CLEC2A: variants seen among roughly 807,000 people sequenced by gnomAD.
The protein encoded by CLEC2A is C-type lectin domain family 2 member A.
In CLEC2A, 19 loss-of-function variants were observed where a neutral mutation model predicts 18.6. The ratio of observed to expected loss-of-function variants is 1.02; its 90% CI spans 0.71 to 1.50. The LOEUF is 1.50. Among genes scored for constraint, CLEC2A ranks in the 40% most tolerant of loss-of-function variants. The probability of loss-of-function intolerance (pLI) is 0.00; values close to 1 mark genes in which losing one functional copy is unlikely to be tolerated. For synonymous variants in CLEC2A, 74 were observed against 64.0 expected, an observed-to-expected ratio of 1.16 and a Z score of -0.75; for missense variants, 190 against 207.9, an observed-to-expected ratio of 0.91 and a Z score of 0.53.
intron 4 of CLEC2A, among the ~76,000 whole-genome samples, chr12:9,902,660 A>C (rs184280980): frequency 6.6e-6 from 1 of 152,062 alleles, no homozygotes; most frequent in Non-Finnish European, 1.5e-5. Flanking sequence ...AAAAAAAAGA[A>C]AGAAACAAGT....
At chr12:9,880,750 C>G in the CLEC2A span, among the ~76,000 whole-genome samples, 1 of 151,628 alleles carries the variant, frequency 6.6e-6, no homozygotes, top group African/African-American at 2.4e-5. Flanking sequence ...TCAGGGAAGA[C>G]AAGTCTTTTT....
At chr12:9,917,316 C>T (rs1020122557) in intron 3 of CLEC2A, among the ~76,000 whole-genome samples, 1 of 152,068 alleles carries the variant, frequency 6.6e-6, no homozygotes, top group Non-Finnish European at 1.5e-5. Context: ...TTTCATCACC[C>T]AAGTATTAAG....
At chr12:9,881,369 A>G in the CLEC2A span, 8 of 436,074 alleles carry the variant, frequency 1.8e-5, no homozygotes, top group Admixed American at 7.8e-5. Context: ...TTACCTTGAA[A>G]TTCACAGAAT....
chr12:9,883,832 T>C, the CLEC2A span, among the ~76,000 whole-genome samples: 1 of 152,168 alleles, frequency 6.6e-6, no homozygotes, highest in Admixed American at 6.5e-5. Context: ...ATAAAACCTA[T>C]TGAAGTAAAG....
At chr12:9,893,460 AT>A in the CLEC2A span, 1 of 1,507,472 alleles carries the variant, frequency 6.6e-7, no homozygotes, top group South Asian at 1.2e-5. Flanking sequence ...AAACCTGGAC[AT>A]TTTGGTTGGA....
chr12:9,905,238 T>C (rs886817953), intron 4 of CLEC2A, among the ~76,000 whole-genome samples: 2 of 152,192 alleles, frequency 1.3e-5, no homozygotes, highest in African/African-American at 4.8e-5. Context: ...GGTGTGTCCA[T>C]CTCCTTTCAG....
At chr12:9,916,653 A>C in intron 4 of CLEC2A, 47 bp downstream of exon 4, 10 of 1,187,958 alleles carry the variant, frequency 8.4e-6, no homozygotes, top group Non-Finnish European at 1.2e-5. Context: ...AAAATTTTTC[A>C]TATGACACAC....
intron 4 of CLEC2A, among the ~76,000 whole-genome samples, chr12:9,899,875 C>T (rs1862801946): frequency 6.6e-6 from 1 of 152,186 alleles, no homozygotes; most frequent in Non-Finnish European, 1.5e-5. Flanking sequence ...GCCTCTGGAT[C>T]CCTCAGATCC....
In CLEC2A at chr12:9,904,015, CA is replaced by C. The variant is rs1862871863; in HGVS notation, c.411-5040del. ...TGCTCCAGCTACTTGGCAAAGTGTT[CA>C]GCAATGGTCCGTCACAATACTACCA... On this transcript the variant is annotated intron_variant, in intron 4 of 4. Transcript: ENST00000339766. 2.0e-5 allele frequency among the ~76,000 whole-genome samples: 3 copies of C among 152,186 alleles called. No individual in the cohort carries two copies. The South Asian group carries it at 6.2e-4, about 32-fold the overall frequency.
At chr12:9,911,013 C>T (rs1241217230), downstream of CLEC2A, among the ~76,000 whole-genome samples, 2 of 152,208 alleles carry the variant, frequency 1.3e-5, no homozygotes, top group Admixed American at 1.3e-4. Context: ...CTGCCTGCAT[C>T]AGCCATGCAG....
intron 1 of CLEC2A, among the ~76,000 whole-genome samples, chr12:9,931,251 C>A (rs1341552906): frequency 2.6e-5 from 4 of 152,198 alleles, no homozygotes; most frequent in Non-Finnish European, 4.4e-5. Context: ...AATCTTATTT[C>A]TTTTTGTAAT....
chr12:9,902,232 C>CT (rs1331542264), intron 4 of CLEC2A, among the ~76,000 whole-genome samples: 14 of 135,068 alleles, frequency 1.0e-4, no homozygotes, highest in African/African-American at 3.4e-4. Flanking sequence ...CAAGGTTTGC[C>CT]ATTTTTTTTT....
At chr12:9,894,191 CT>C (rs1186634242), downstream of CLEC2A, among the ~76,000 whole-genome samples, 1 of 113,958 alleles carries the variant, frequency 8.8e-6, no homozygotes, top group African/African-American at 3.3e-5. Flanking sequence ...TTCTTTCTTT[CT>C]TTTTTTTTCA....
chr12:9,913,515 G>A lies in CLEC2A; in HGVS notation c.*51C>T, dbSNP rs1863019311. The A allele has an allele frequency of 2.0e-6, 3 of 1,517,236 alleles. No homozygotes were observed. The highest frequency in any genetic ancestry group is 4.5e-5 in the Admixed American group (2 of 44,938). The allele number at this position is 1,517,236 out of a possible 1,614,324, so 94.0% of individuals were successfully genotyped here. A position where few individuals can be genotyped will look rare whatever the true frequency, so the allele number is the denominator to read the frequency against. On this transcript the variant is annotated 3_prime_UTR_variant, in exon 5 of 5. Coordinates refer to ENST00000455827, the MANE Select transcript of CLEC2A (RefSeq NM_001130711.2). ...TGAGAAAGCCACTTTTGCATAATTA[G>A]CTCTTCTTTCAATCTTGAAGTGTGA... is the stretch of plus-strand genomic sequence containing the variant.
chr12:9,932,260 C>T lies in CLEC2A; in HGVS notation c.55+15G>A. ...CTTTCCTTTACTTCCTTCTCATTCA[C>T]TCTATAAAACTTACCTATCCGATGT... On this transcript the variant is annotated intron_variant, in intron 1 of 4. Transcript: ENST00000455827. The T allele has an allele frequency of 6.6e-7, 1 of 1,525,658 alleles. No individual in the cohort carries two copies. The highest frequency in any genetic ancestry group is 1.4e-5 in the African/African-American group (1 of 72,632). The allele number at this position is 1,525,658 out of a possible 1,614,324, so 94.5% of individuals were successfully genotyped here.
At chr12:9,881,585 C>T in the CLEC2A span, 1 of 1,516,416 alleles carries the variant, frequency 6.6e-7, no homozygotes, top group South Asian at 1.2e-5. Context: ...AGACATTAGA[C>T]ATTTGAAGAG....
the CLEC2A span, chr12:9,885,105 A>G: frequency 2.1e-6 from 1 of 470,298 alleles, no homozygotes; most frequent in Non-Finnish European, 3.4e-6. Context: ...TCTTAATGCC[A>G]AGATAAACTC....
At chr12:9,899,976 A>G (rs1862803246) in intron 4 of CLEC2A, among the ~76,000 whole-genome samples, 1 of 152,190 alleles carries the variant, frequency 6.6e-6, no homozygotes, top group African/African-American at 2.4e-5. Flanking sequence ...TCCTTATCAT[A>G]AGTTAAATGC....
rs1218287633 is a variant in CLEC2A at position 9,913,559 on chromosome 12, T to C, written c.*7A>G. ...AGTGTGATAATCATTTTCAAGTTTT[T>C]TCTGCTCTATAAAAAATATTTAGGT... On this transcript the variant is annotated 3_prime_UTR_variant, in exon 5 of 5. Coordinates refer to ENST00000455827, the MANE Select transcript of CLEC2A (RefSeq NM_001130711.2). 6.5e-7 allele frequency: 1 copy of C among 1,537,740 alleles called. No homozygotes were observed. Among genetic ancestry groups the C allele is most frequent in the East Asian group, 2.4e-5 (1 of 40,818 alleles).
Sources: gnomAD v4.1 joint callset for allele counts (sites outside exome capture counted in the v4.1 genomes callset) on GRCh38, gnomAD v4.1.1 for gene constraint, MANE v1.5 for transcripts, NCBI Gene and HGNC (gene_info 2026-07-23, HGNC 2026-07-21) for gene names.